DAB1: variants seen among roughly 807,000 people sequenced by gnomAD.
DAB1 encodes DAB adaptor protein 1.
DAB1 carries 15 observed loss-of-function variants against 64.6 expected under a neutral mutation model. That is an observed-to-expected ratio of 0.23 (90% CI 0.16 to 0.36). The LOEUF (loss-of-function observed/expected upper bound fraction) is 0.36. Among genes scored for constraint, DAB1 ranks in the 10% least tolerant of loss-of-function variants. DAB1 has a pLI of 1.00. For synonymous variants in DAB1, 235 were observed against 251.9 expected (o/e 0.93, Z 0.64); for missense variants, 596 against 706.7 (o/e 0.84, Z 1.78).
At chr1:57,014,861 G>A (rs1388221922) in intron 12 of DAB1, 22 bp downstream of exon 12, 2 of 1,527,928 alleles carry the variant, frequency 1.3e-6, no homozygotes, top group African/African-American at 1.4e-5. Context: ...TGGGTTTTAT[G>A]TCTTAAGTGA....
intron 3 of DAB1, among the ~76,000 whole-genome samples, chr1:58,490,485 C>A (rs1645661874): frequency 6.6e-6 from 1 of 152,266 alleles, no homozygotes; most frequent in African/African-American, 2.4e-5. Flanking sequence ...CTGAAAGTGA[C>A]AGGGAGAATG....
At chr1:58,002,776 A>G (rs1489396560) in intron 5 of DAB1, among the ~76,000 whole-genome samples, 1 of 152,170 alleles carries the variant, frequency 6.6e-6, no homozygotes, top group African/African-American at 2.4e-5. Context: ...TCATAAATAA[A>G]CAAGCAAATA....
intron 5 of DAB1, among the ~76,000 whole-genome samples, chr1:57,979,252 A>C (rs1184255077): frequency 6.6e-6 from 1 of 152,254 alleles, no homozygotes; most frequent in Non-Finnish European, 1.5e-5. Flanking sequence ...GGATGAGTTC[A>C]TGCCCTTTGC....
intron 5 of DAB1, among the ~76,000 whole-genome samples, chr1:57,925,565 CAG>C (rs1307505542): frequency 6.6e-6 from 1 of 152,188 alleles, no homozygotes; most frequent in Non-Finnish European, 1.5e-5. Context: ...ATTGCTCTCA[CAG>C]AGTTTCAGAC....
intron 7 of DAB1, among the ~76,000 whole-genome samples, chr1:57,528,614 A>T (rs1192901793): frequency 6.7e-6 from 1 of 149,850 alleles, no homozygotes; most frequent in Non-Finnish European, 1.5e-5. Context: ...AATCCAGGTA[A>T]TGGAAAATAT....
chr1:57,196,409 T>C (rs1473082888), intron 2 of DAB1, among the ~76,000 whole-genome samples: 2 of 152,192 alleles, frequency 1.3e-5, no homozygotes, highest in Admixed American at 1.3e-4. Flanking sequence ...GTCCATCATG[T>C]AGCAGGAGAT....
chr1:57,781,508 C>T (rs1650096307), intron 6 of DAB1, among the ~76,000 whole-genome samples: 1 of 151,676 alleles, frequency 6.6e-6, no homozygotes, highest in Non-Finnish European at 1.5e-5. Flanking sequence ...TCTCTTAAAC[C>T]TTACAAAAAA....
intron 4 of DAB1, among the ~76,000 whole-genome samples, chr1:58,320,462 T>C (rs1371606839): frequency 6.6e-6 from 1 of 152,190 alleles, no homozygotes; most frequent in East Asian, 1.9e-4. Context: ...ATTTTAGAGA[T>C]GGAGAAACTG....
At chr1:57,069,562 C>T in intron 7 of DAB1, 137 bp from the exon 8 acceptor site, 2 of 664,020 alleles carry the variant, frequency 3.0e-6, no homozygotes, top group East Asian at 2.8e-5. Context: ...AAAGACACAA[C>T]TAAATTATTG....
intron 3 of DAB1, among the ~76,000 whole-genome samples, chr1:57,139,735 A>C (rs906337332): frequency 5.3e-5 from 8 of 152,120 alleles, no homozygotes; most frequent in Non-Finnish European, 8.8e-5. Context: ...AGCATATAGT[A>C]GTGCTGATTA....
At chr1:57,388,027 T>C (rs1682031477) in intron 1 of DAB1, among the ~76,000 whole-genome samples, 1 of 152,128 alleles carries the variant, frequency 6.6e-6, no homozygotes, top group Non-Finnish European at 1.5e-5. Flanking sequence ...TGACTTCATC[T>C]CCATTTCCAG....
chr1:57,016,194 G>A (rs764121336), intron 11 of DAB1, among the ~76,000 whole-genome samples: 12 of 151,998 alleles, frequency 7.9e-5, no homozygotes, highest in Admixed American at 3.3e-4. Flanking sequence ...TACTTATTAC[G>A]TTGCTTAATA....
chr1:58,118,596 C>CTA (rs550184191), intron 5 of DAB1, among the ~76,000 whole-genome samples: 12 of 104,650 alleles, frequency 1.1e-4, no homozygotes, highest in African/African-American at 1.6e-4. Context: ...ATATAAAATA[C>CTA]TATATATATA....
intron 3 of DAB1, among the ~76,000 whole-genome samples, chr1:58,346,455 T>C (rs1233539445): frequency 5.3e-5 from 8 of 152,254 alleles, no homozygotes; most frequent in Admixed American, 3.9e-4. Flanking sequence ...TTTTGTTTTA[T>C]AGCAGCAGAA....
intron 4 of DAB1, among the ~76,000 whole-genome samples, chr1:57,104,903 C>T (rs756782882): frequency 1.3e-5 from 2 of 152,036 alleles, no homozygotes; most frequent in Non-Finnish European, 2.9e-5. Context: ...GAAGGTGGGG[C>T]CCCCCTTCCA....
chr1:58,248,820 G>A (rs1660672091), intron 4 of DAB1, among the ~76,000 whole-genome samples: 2 of 152,140 alleles, frequency 1.3e-5, no homozygotes, highest in African/African-American at 4.8e-5. Flanking sequence ...CCACTCTGCA[G>A]CAGAACTTCC....
At chr1:57,237,105 G>A (rs767970793) in intron 2 of DAB1, among the ~76,000 whole-genome samples, 6 of 152,074 alleles carry the variant, frequency 3.9e-5, no homozygotes, top group South Asian at 2.1e-4. Flanking sequence ...CAAATGCTCC[G>A]GTCTGCCACT....
At position 57,562,538 on chromosome 1, in the gene DAB1, A is replaced by C. The variant is rs572670108; in HGVS notation, n.625+87054T>G. ...TACAATGCCAACTAGGTGACAATAC[A>C]TTGCAAGGCTGTGGCATGTCCAGAA... On this transcript the variant is annotated intron_variant and non_coding_transcript_variant, in intron 7 of 20. Coordinates refer to the DAB1 transcript ENST00000485760. Among the ~76,000 whole-genome samples the C allele has an allele frequency of 1.1e-3, 175 of 152,288 alleles. 1 individual carries two copies. The highest frequency in any genetic ancestry group is 3.8e-3 in the African/African-American group (160 of 41,562).
At chr1:58,499,742 T>G (rs2100401877) in intron 3 of DAB1, among the ~76,000 whole-genome samples, 1 of 152,074 alleles carries the variant, frequency 6.6e-6, no homozygotes, top group Non-Finnish European at 1.5e-5. Flanking sequence ...TATTGAAACA[T>G]CATGCTGGAC....
Sources: allele counts gnomAD v4.1 joint callset (sites outside exome capture counted in the v4.1 genomes callset), GRCh38; gene constraint gnomAD v4.1.1; transcripts MANE v1.5; gene names NCBI Gene and HGNC (gene_info 2026-07-23, HGNC 2026-07-21).